G3BP2: variants seen among roughly 807,000 people sequenced by gnomAD.
The protein encoded by G3BP2 is G3BP stress granule assembly factor 2.
In G3BP2, 11 loss-of-function variants were observed where a neutral mutation model predicts 56.7. That is an observed-to-expected ratio of 0.19 (90% CI 0.12 to 0.32). The LOEUF (loss-of-function observed/expected upper bound fraction) is 0.32, where lower values mean the gene tolerates loss of function less well. G3BP2 is among the 10% of genes least tolerant of loss of function. G3BP2 has a pLI of 1.00. For missense variants in G3BP2, 340 were observed against 610.9 expected (o/e 0.56, Z 4.67); for synonymous variants, 165 against 191.6 (o/e 0.86, Z 1.15).
At chr4:75,723,369 T>C (rs1443073933) in intron 1 of G3BP2, among the ~76,000 whole-genome samples, 1 of 152,208 alleles carries the variant, frequency 6.6e-6, no homozygotes, top group Non-Finnish European at 1.5e-5. Context: ...GACTGGAGAT[T>C]GGACTGGAAG....
At chr4:75,651,023 A>C (rs895469272) in intron 8 of G3BP2, among the ~76,000 whole-genome samples, 3 of 152,192 alleles carry the variant, frequency 2.0e-5, no homozygotes, top group Non-Finnish European at 4.4e-5. Context: ...AAGATACGTA[A>C]GTGACAGCCC....
rs572268375 is a variant in G3BP2 at position 75,655,319 on chromosome 4, A to G, written c.546-73T>C. The G allele has an allele frequency of 7.4e-6, 8 of 1,082,878 alleles. No homozygotes were observed. In the African/African-American group the frequency reaches 1.1e-4, roughly 15 times the overall value. The allele number at this position is 1,082,878 out of a possible 1,614,324, so 67.1% of individuals were successfully genotyped here. A position where few individuals can be genotyped will look rare whatever the true frequency, so the allele number is the denominator to read the frequency against. ...AAAAATTCAATTTCTCTCTAATCCA[A>G]TGGGTGTAACTAGTTATATGCCAAT... is the stretch of plus-strand genomic sequence containing the variant. On this transcript the variant is annotated intron_variant, in intron 6 of 11. Transcript: ENST00000359707.
At chr4:75,656,437 T>G (rs183780046) in intron 5 of G3BP2, among the ~76,000 whole-genome samples, 2 of 152,274 alleles carry the variant, frequency 1.3e-5, no homozygotes, top group Non-Finnish European at 2.9e-5. Flanking sequence ...AAAGTTATAT[T>G]AAAGCCACAA....
At chr4:75,673,955 A>T (rs996128980), upstream of G3BP2, 1 of 155,956 alleles carries the variant, frequency 6.4e-6, no homozygotes, top group South Asian at 2.1e-4. Context: ...AAGGAAGAAC[A>T]TGACGTGGGC....
chr4:75,686,709 A>T (rs1049507799), intron 3 of G3BP2, among the ~76,000 whole-genome samples: 6 of 152,204 alleles, frequency 3.9e-5, no homozygotes, highest in African/African-American at 1.4e-4. Flanking sequence ...AATGGCATTT[A>T]AAGAAATTTT....
intron 7 of G3BP2, 173 bp downstream of exon 7, chr4:75,654,893 G>A (rs964971125): frequency 4.2e-5 from 24 of 578,228 alleles, no homozygotes; most frequent in Admixed American, 1.1e-4. Context: ...GGTATTTTGC[G>A]GGGCAGGGAA....
At chr4:75,676,017 A>C (rs1174418233), upstream of G3BP2, among the ~76,000 whole-genome samples, 1 of 152,220 alleles carries the variant, frequency 6.6e-6, no homozygotes, top group Non-Finnish European at 1.5e-5. Flanking sequence ...GACACCAATA[A>C]GTGGAGTTAA....
intron 2 of G3BP2, among the ~76,000 whole-genome samples, chr4:75,721,489 C>T (rs986905879): frequency 1.3e-5 from 2 of 150,856 alleles, no homozygotes; most frequent in African/African-American, 4.9e-5. Flanking sequence ...AACTCCTGAG[C>T]TTAAATGATC....
Position 75,682,926 on chromosome 4 carries a change from G to A in G3BP2, c.-24-20877C>T, listed in dbSNP as rs1205110235. On this transcript the variant is annotated intron_variant, in intron 3 of 3. Coordinates refer to the G3BP2 transcript ENST00000499709. ...TTGAACCTGGGAGGCAGAGGTTGCA[G>A]TGAGCTGAGATGGCGCCATTGCACT... Among the ~76,000 whole-genome samples, 4 of 151,780 alleles carry A rather than the reference G, an allele frequency of 2.6e-5. No homozygotes were observed. In the East Asian group the frequency reaches 7.8e-4, roughly 29 times the overall value.
intron 3 of G3BP2, among the ~76,000 whole-genome samples, chr4:75,691,133 G>A (rs1477917857): frequency 6.6e-6 from 1 of 151,372 alleles, no homozygotes; most frequent in African/African-American, 2.4e-5. Flanking sequence ...AAGCTGGAGT[G>A]CAGTGGCACA....
chr4:75,720,379 G>A (rs1042572907), intron 3 of G3BP2, among the ~76,000 whole-genome samples: 1 of 151,766 alleles, frequency 6.6e-6, no homozygotes, highest in African/African-American at 2.4e-5. Context: ...GCGGGCGCCT[G>A]TAGTCCCAGC....
chr4:75,718,250 T>A (rs76225341), intron 3 of G3BP2, among the ~76,000 whole-genome samples: 1 of 142,542 alleles, frequency 7.0e-6, no homozygotes, highest in Non-Finnish European at 1.5e-5. Flanking sequence ...TTTTTTTTTT[T>A]AGGTGTTTCA....
intron 5 of G3BP2, 57 bp downstream of exon 5, chr4:75,656,867 G>T: frequency 2.6e-6 from 2 of 780,214 alleles, no homozygotes; most frequent in South Asian, 3.1e-5. Context: ...ATAGAAATTA[G>T]TCCATAAAGA....
At chr4:75,694,036 C>T (rs1041808256) in intron 3 of G3BP2, among the ~76,000 whole-genome samples, 2 of 152,142 alleles carry the variant, frequency 1.3e-5, no homozygotes, top group African/African-American at 4.8e-5. Context: ...GCACTATGCC[C>T]AGCCATATCT....
At chr4:75,659,189 A>G (rs1461673664) in intron 2 of G3BP2, among the ~76,000 whole-genome samples, 1 of 152,244 alleles carries the variant, frequency 6.6e-6, no homozygotes, top group Non-Finnish European at 1.5e-5. Flanking sequence ...GTAGACAATC[A>G]TTAGATATTC....
Position 75,643,300 on chromosome 4 carries a change from T to TATATATATATATATATATATATAC in G3BP2, c.*2129_*2130insGTATATATATATATATATATATAT. The TATATATATATATATATATATATAC allele has an allele frequency of 7.4e-6, 1 of 136,014 alleles. No individual in the cohort carries two copies. The highest frequency in any genetic ancestry group is 2.9e-5 in the African/African-American group (1 of 34,812). The allele number at this position is 136,014 out of a possible 1,614,324, so 8.4% of individuals were successfully genotyped here. A position where few individuals can be genotyped will look rare whatever the true frequency, so the allele number is the denominator to read the frequency against. On this transcript the variant is annotated 3_prime_UTR_variant, in exon 12 of 12. Transcript: ENST00000359707. ...GCAATATCCTGAATTGGAAATTATA[T>TATATATATATATATATATATATAC]ATATATATATATATATGGAAACAGA...
chr4:75,693,778 A>G (rs1214038147), intron 3 of G3BP2, among the ~76,000 whole-genome samples: 12 of 134,922 alleles, frequency 8.9e-5, no homozygotes, highest in Non-Finnish European at 1.3e-4. Context: ...ACAAAGCAAG[A>G]CTCCGTCTAA....
Position 75,673,409 on chromosome 4 carries a change from A to C in G3BP2, c.-226T>G. On this transcript the variant is annotated 5_prime_UTR_variant, in exon 1 of 12. Coordinates refer to ENST00000359707, the MANE Select transcript of G3BP2 (RefSeq NM_203505.3). ...CTGCGACGTGCGACAAGGACCACGG[A>C]CGTCCCGCCCCCTTTGCCACCGCCC... 1 of 1,232,252 alleles carries C rather than the reference A, an allele frequency of 8.1e-7. No homozygotes were observed. Among genetic ancestry groups the C allele is most frequent in the Non-Finnish European group, 1.0e-6 (1 of 988,048 alleles). 76.3% of individuals were successfully genotyped at this position (1,232,252 alleles called of 1,614,324 possible).
chr4:75,654,801 G>T, intron 7 of G3BP2: 1 of 385,600 alleles, frequency 2.6e-6, no homozygotes, highest in Non-Finnish European at 4.6e-6. Context: ...TCTATACATG[G>T]ATCCAAATAA....
Sources: gnomAD v4.1 joint callset for allele counts (sites outside exome capture counted in the v4.1 genomes callset) on GRCh38, gnomAD v4.1.1 for gene constraint, MANE v1.5 for transcripts, NCBI Gene and HGNC (gene_info 2026-07-23, HGNC 2026-07-21) for gene names.